PAM: variants seen among roughly 807,000 people sequenced by gnomAD.
PAM encodes peptidylglycine alpha-amidating monooxygenase, also known as peptidyl-glycine alpha-amidating monooxygenase.
A neutral mutation model predicts 122.1 loss-of-function variants in PAM; 72 were observed. That is an observed-to-expected ratio of 0.59 (90% confidence interval 0.49 to 0.72). The LOEUF (loss-of-function observed/expected upper bound fraction) is 0.72, where lower values mean the gene tolerates loss of function less well. Among genes scored for constraint, PAM ranks in the 30% least tolerant of loss-of-function variants. PAM has a pLI of 0.00. For synonymous variants in PAM, 389 were observed against 404.4 expected, an observed-to-expected ratio of 0.96 and a Z score of 0.46; for missense variants, 1,106 against 1,183.7, an observed-to-expected ratio of 0.93 and a Z score of 0.96.
At chr5:102,990,838 C>T (rs961154014) in intron 16 of PAM, among the ~76,000 whole-genome samples, 2 of 152,140 alleles carry the variant, frequency 1.3e-5, no homozygotes, top group African/African-American at 4.8e-5. Context: ...AGAACTATGC[C>T]AAGACCATTG....
At chr5:103,006,290 A>T (rs893655601) in intron 18 of PAM, among the ~76,000 whole-genome samples, 1 of 152,042 alleles carries the variant, frequency 6.6e-6, no homozygotes, top group African/African-American at 2.4e-5. Context: ...TTCTTAAACT[A>T]CCTTAATCTT....
chr5:102,802,939 G>A (rs1415050470), intron 1 of PAM, among the ~76,000 whole-genome samples: 2 of 152,044 alleles, frequency 1.3e-5, no homozygotes, highest in African/African-American at 2.4e-5. Context: ...GCAACATAGC[G>A]AGACCCCATC....
At chr5:103,005,044 A>G (rs1318752049) in intron 17 of PAM, 110 bp from the exon 18 acceptor site, 1 of 660,408 alleles carries the variant, frequency 1.5e-6, no homozygotes, top group Non-Finnish European at 2.8e-6. Flanking sequence ...GCAAGTATAC[A>G]TTTATCAATT....
chr5:102,766,428 A>C (rs1042138898), intron 1 of PAM, among the ~76,000 whole-genome samples: 2 of 152,154 alleles, frequency 1.3e-5, no homozygotes, highest in Non-Finnish European at 2.9e-5. Context: ...AGTTGACGTT[A>C]GGATTCCTGC....
chr5:102,970,313 A>G (rs1262986894), intron 14 of PAM, among the ~76,000 whole-genome samples: 1 of 152,236 alleles, frequency 6.6e-6, no homozygotes, highest in Admixed American at 6.5e-5. Flanking sequence ...TGCACTAGCC[A>G]TTTACAAAGT....
intron 1 of PAM, among the ~76,000 whole-genome samples, chr5:102,761,070 T>C (rs1418952700): frequency 6.6e-6 from 1 of 152,152 alleles, no homozygotes; most frequent in Non-Finnish European, 1.5e-5. Context: ...GTCTGGAGCA[T>C]AGCCAGTCCA....
chr5:102,969,134 T>C (rs954052982), intron 14 of PAM, among the ~76,000 whole-genome samples: 11 of 151,974 alleles, frequency 7.2e-5, no homozygotes, highest in Non-Finnish European at 1.3e-4. Flanking sequence ...GAATACCTAA[T>C]GTAGATGATG....
intron 3 of PAM, among the ~76,000 whole-genome samples, chr5:102,892,484 C>G (rs570062245): frequency 2.4e-4 from 37 of 151,854 alleles, no homozygotes; most frequent in South Asian, 2.1e-4. Context: ...TTTCTTAGAC[C>G]TCTTACATGT....
chr5:102,903,882 CT>C, intron 4 of PAM, among the ~76,000 whole-genome samples: 2 of 151,670 alleles, frequency 1.3e-5, no homozygotes, highest in Middle Eastern at 6.8e-3. Context: ...TACAATTATT[CT>C]TTCATTCCTT....
chr5:102,788,334 T>C (rs1248229181), intron 1 of PAM, among the ~76,000 whole-genome samples: 3 of 152,142 alleles, frequency 2.0e-5, no homozygotes, highest in Admixed American at 6.6e-5. Context: ...AAGGTGGCAG[T>C]GAGTTATTAC....
At chr5:102,785,129 C>T (rs990463701) in intron 1 of PAM, among the ~76,000 whole-genome samples, 1 of 152,054 alleles carries the variant, frequency 6.6e-6, no homozygotes, top group Non-Finnish European at 1.5e-5. Flanking sequence ...CATAGGTATC[C>T]CAAGTAGTTT....
chr5:102,932,572 T>C (rs1751914246), intron 7 of PAM, among the ~76,000 whole-genome samples: 1 of 148,968 alleles, frequency 6.7e-6, no homozygotes, highest in African/African-American at 2.5e-5. Context: ...TGTATAGATA[T>C]ATATACATAT....
chr5:102,947,722 T>C (rs374888702), intron 8 of PAM, among the ~76,000 whole-genome samples: 1 of 152,166 alleles, frequency 6.6e-6, no homozygotes, highest in South Asian at 2.1e-4. Flanking sequence ...ACACTTCTTT[T>C]AGCCCACATT....
chr5:102,956,881 A>G (rs932183867), intron 12 of PAM, among the ~76,000 whole-genome samples: 3 of 152,068 alleles, frequency 2.0e-5, no homozygotes, highest in African/African-American at 7.2e-5. Context: ...TTTCAAATGT[A>G]TGTTAAAAAC....
chr5:102,843,967 C>T (rs777353140), intron 1 of PAM, among the ~76,000 whole-genome samples: 2 of 152,052 alleles, frequency 1.3e-5, no homozygotes, highest in Non-Finnish European at 2.9e-5. Context: ...AACATTTATC[C>T]CAGAGAAATG....
chr5:102,840,938 A>G (rs1442179157), intron 1 of PAM, among the ~76,000 whole-genome samples: 2 of 152,214 alleles, frequency 1.3e-5, no homozygotes, highest in African/African-American at 2.4e-5. Context: ...GGAAAAGGAT[A>G]TTGCAAGGCA....
chr5:102,900,736 G>A (rs1020316375), intron 3 of PAM, among the ~76,000 whole-genome samples: 1 of 151,450 alleles, frequency 6.6e-6, no homozygotes, highest in African/African-American at 2.4e-5. Context: ...TCCTTAAATT[G>A]TAATTTTTAT....
chr5:102,778,285 A>C (rs995712535), intron 1 of PAM, among the ~76,000 whole-genome samples: 1 of 152,068 alleles, frequency 6.6e-6, no homozygotes, highest in East Asian at 1.9e-4. Context: ...TATTCGTTCT[A>C]TCTTCCCCAT....
intron 16 of PAM, 117 bp from the exon 17 acceptor site, chr5:103,002,916 A>G: frequency 1.5e-6 from 1 of 650,482 alleles, no homozygotes; most frequent in Non-Finnish European, 2.8e-6. Context: ...GCAGACAAAG[A>G]GTGAAGTCAA....
Sources: allele counts gnomAD v4.1 joint callset (sites outside exome capture counted in the v4.1 genomes callset), GRCh38; gene constraint gnomAD v4.1.1; transcripts MANE v1.5; gene names NCBI Gene and HGNC (gene_info 2026-07-23, HGNC 2026-07-21).